Variants in FBXL2 observed in about 807,000 individuals in gnomAD.
FBXL2 encodes F-box/LRR-repeat protein 2.
A neutral mutation model predicts 69.2 loss-of-function variants in FBXL2; 38 were observed. The observed-to-expected ratio is 0.55, with a 90% CI of 0.42 to 0.72. The LOEUF (loss-of-function observed/expected upper bound fraction) is 0.72, where lower values mean the gene tolerates loss of function less well. Ranked by LOEUF, FBXL2 falls within the 30% of genes least tolerant of loss-of-function variation. The probability of loss-of-function intolerance (pLI) is 0.00; values close to 1 mark genes in which losing one functional copy is unlikely to be tolerated. For missense variants in FBXL2, 354 were observed against 520.3 expected, an observed-to-expected ratio of 0.68 and a Z score of 3.11; for synonymous variants, 192 against 201.3, an observed-to-expected ratio of 0.95 and a Z score of 0.39.
chr3:33,359,507 A>G lies in FBXL2; in HGVS notation c.195+150A>G, dbSNP rs542127534. ...GAAAAACTGGAAGGGATTTGCATACATCAAAACAAAACCCTGCTTGCATTT... is the reference window on the plus strand; with the variant it reads ...GAAAAACTGGAAGGGATTTGCATACGTCAAAACAAAACCCTGCTTGCATTT... On this transcript the variant is annotated intron_variant, in intron 4 of 14. Transcript: ENST00000484457. The G allele has an allele frequency of 8.1e-6, 4 of 492,902 alleles. No individual in the cohort carries two copies. In the South Asian group the frequency reaches 1.3e-4, roughly 17 times the overall value. 30.5% of individuals were successfully genotyped at this position (492,902 alleles called of 1,614,324 possible). A position where few individuals can be genotyped will look rare whatever the true frequency, so the allele number is the denominator to read the frequency against.
intron 2 of FBXL2, among the ~76,000 whole-genome samples, chr3:33,353,388 G>T (rs539224648): frequency 3.3e-5 from 5 of 152,304 alleles, no homozygotes; most frequent in African/African-American, 9.6e-5. Context: ...AAGATGTCCT[G>T]CAATAGGCGA....
chr3:33,405,761 T>TA (rs955879827), downstream of FBXL2, among the ~76,000 whole-genome samples: 17 of 152,248 alleles, frequency 1.1e-4, no homozygotes, highest in African/African-American at 4.1e-4. Context: ...ACACTGTCTC[T>TA]AAAAAAATTT....
intron 4 of FBXL2, among the ~76,000 whole-genome samples, chr3:33,362,090 AG>A (rs1360712992): frequency 6.6e-6 from 1 of 152,224 alleles, no homozygotes; most frequent in African/African-American, 2.4e-5. Flanking sequence ...AGGAGACTGT[AG>A]GTATCTTGAA....
chr3:33,338,923 A>G (rs552682490), intron 2 of FBXL2, among the ~76,000 whole-genome samples: 2 of 152,318 alleles, frequency 1.3e-5, no homozygotes, highest in East Asian at 3.9e-4. Context: ...AAAATTGACC[A>G]GTGGGACCTA....
intron 4 of FBXL2, 193 bp from the exon 5 acceptor site, chr3:33,364,432 A>T (rs536815130): frequency 6.6e-6 from 4 of 603,674 alleles, no homozygotes; most frequent in Non-Finnish European, 1.2e-5. Flanking sequence ...TAATGCTTTA[A>T]TTGGACCATT....
chr3:33,402,515 C>T (rs1032384696), intron 12 of FBXL2, among the ~76,000 whole-genome samples: 2 of 152,156 alleles, frequency 1.3e-5, no homozygotes, highest in African/African-American at 4.8e-5. Context: ...TTAATGTTGT[C>T]TTTAATCTTA....
At chr3:33,278,110 C>T (rs2125653929) in intron 1 of FBXL2, 1 of 152,210 alleles carries the variant, frequency 6.6e-6, no homozygotes, top group African/African-American at 2.4e-5. Context: ...CGCACCCTCA[C>T]TAAGGGATTT....
intron 1 of FBXL2, among the ~76,000 whole-genome samples, chr3:33,289,272 CT>C (rs1366920575): frequency 6.6e-6 from 1 of 152,094 alleles, no homozygotes; most frequent in Non-Finnish European, 1.5e-5. Flanking sequence ...CAAATTGTAG[CT>C]TTTTTGTTTC....
At chr3:33,300,793 C>T (rs1178327138) in intron 2 of FBXL2, among the ~76,000 whole-genome samples, 8 of 151,314 alleles carry the variant, frequency 5.3e-5, no homozygotes, top group Non-Finnish European at 8.8e-5. Flanking sequence ...ACTGCAAGCT[C>T]CACCTCCCGG....
At chr3:33,347,055 T>A (rs989916061) in intron 2 of FBXL2, among the ~76,000 whole-genome samples, 1 of 152,216 alleles carries the variant, frequency 6.6e-6, no homozygotes, top group Non-Finnish European at 1.5e-5. Flanking sequence ...CTAGGTCTTA[T>A]TCGTTCTTTC....
chr3:33,420,428 C>T, the FBXL2 span, among the ~76,000 whole-genome samples: 2 of 151,440 alleles, frequency 1.3e-5, no homozygotes, highest in Admixed American at 6.6e-5. Flanking sequence ...CAAATTCAAG[C>T]AATTCTCATG....
At chr3:33,385,163 T>C (rs948467017) in intron 14 of FBXL2, among the ~76,000 whole-genome samples, 1 of 152,216 alleles carries the variant, frequency 6.6e-6, no homozygotes. Flanking sequence ...TCACCTACAC[T>C]GTTTTCTTGA....
chr3:33,377,357 C>T, intron 11 of FBXL2, 24 bp downstream of exon 11: 1 of 1,610,490 alleles, frequency 6.2e-7, no homozygotes, highest in Non-Finnish European at 8.5e-7. Context: ...TTAAAGAATA[C>T]AACCAAACTC....
At chr3:33,280,991 TGGAG>T (rs1458396990) in intron 1 of FBXL2, among the ~76,000 whole-genome samples, 1 of 152,200 alleles carries the variant, frequency 6.6e-6, no homozygotes, top group African/African-American at 2.4e-5. Context: ...AAGCAGAAGA[TGGAG>T]GGAACACTGC....
At chr3:33,326,177 T>C (rs1463665433) in intron 2 of FBXL2, among the ~76,000 whole-genome samples, 2 of 152,292 alleles carry the variant, frequency 1.3e-5, no homozygotes, top group Middle Eastern at 3.4e-3. Context: ...TACTTCTTAG[T>C]TGAATTCTTT....
chr3:33,421,067 T>A, the FBXL2 span, among the ~76,000 whole-genome samples: 4 of 152,162 alleles, frequency 2.6e-5, no homozygotes, highest in African/African-American at 9.7e-5. Context: ...GTCTCACTCA[T>A]ATTTATCAGG....
chr3:33,412,226 A>G, the FBXL2 span, among the ~76,000 whole-genome samples: 1 of 151,976 alleles, frequency 6.6e-6, no homozygotes, highest in South Asian at 2.1e-4. Flanking sequence ...TTTACAATTA[A>G]ACGGTTTCAA....
In FBXL2 at chr3:33,387,635, A is replaced by AAAC. The variant is rs780846244; in HGVS notation, c.*2029_*2030insCAA. The AAAC allele has an allele frequency of 0.012, 1,780 of 146,246 alleles. 32 individuals are homozygous for AAAC. Among genetic ancestry groups the AAAC allele is most frequent in the African/African-American group, 0.043 (1,596 of 37,090 alleles). 9.1% of individuals were successfully genotyped at this position (146,246 alleles called of 1,614,324 possible). Reference sequence around the variant, plus strand: ...CTCAAAACAAAACAAACAAACAAACAAAACAAACCACCAGAGCCTTCTATA... The same window carrying AAAC: ...CTCAAAACAAAACAAACAAACAAACAAACAAACAAACCACCAGAGCCTTCTATA... On this transcript the variant is annotated 3_prime_UTR_variant, in exon 15 of 15. Transcript: ENST00000484457.
At chr3:33,374,069 C>T (rs2042475506) in intron 9 of FBXL2, 148 bp downstream of exon 9, 4 of 656,580 alleles carry the variant, frequency 6.1e-6, no homozygotes, top group Non-Finnish European at 1.1e-5. Flanking sequence ...TATAACCTAC[C>T]AATTTGTCAC....
Sources: gnomAD v4.1 joint callset for allele counts (sites outside exome capture counted in the v4.1 genomes callset) on GRCh38, gnomAD v4.1.1 for gene constraint, MANE v1.5 for transcripts, NCBI Gene and HGNC (gene_info 2026-07-23, HGNC 2026-07-21) for gene names.